The following RB1CC1 variants were observed in gnomAD, a reference collection of about 807,000 sequenced individuals.
RB1CC1 encodes RB1-inducible coiled-coil protein 1.
In RB1CC1, 46 loss-of-function variants were observed where a neutral mutation model predicts 177.5. The ratio of observed to expected loss-of-function variants is 0.26; its 90% CI spans 0.20 to 0.33. The LOEUF (loss-of-function observed/expected upper bound fraction) is 0.33, where lower values mean the gene tolerates loss of function less well. RB1CC1 is among the 10% of genes least tolerant of loss of function. RB1CC1 has a pLI of 1.00. For missense variants in RB1CC1, 1,703 were observed against 1,816.3 expected, an observed-to-expected ratio of 0.94 and a Z score of 1.13; for synonymous variants, 666 against 613.6, an observed-to-expected ratio of 1.09 and a Z score of -1.26.
At chr8:52,689,977 T>TA (rs1854672012) in intron 1 of RB1CC1, among the ~76,000 whole-genome samples, 1 of 151,892 alleles carries the variant, frequency 6.6e-6, no homozygotes, top group African/African-American at 2.4e-5. Context: ...AAAGTAGGCA[T>TA]AATTATCATA....
Position 52,660,993 on chromosome 8 carries a change from T to G in RB1CC1, c.1560A>C (p.Leu520Phe). Residue 520 changes from leucine to phenylalanine, a missense_variant, in exon 11 of 24, where the codon TTA becomes TTC. Physicochemically the swap from Leu to Phe is conservative, Grantham distance 22 (BLOSUM62 0). Coordinates refer to ENST00000025008, the MANE Select transcript of RB1CC1 (RefSeq NM_014781.5). ...IKHYREWAGA[L>F]VKDGKRLYEA... ...CATATAATCTCTTTCCATCTTTGAC[T>G]AAAGCACCAGCCCACTAGAAGAGGA... is the stretch of plus-strand genomic sequence containing the variant. 2 of 1,613,600 alleles carry G rather than the reference T, an allele frequency of 1.2e-6. No homozygotes were observed. The highest frequency in any genetic ancestry group is 1.7e-6 in the Non-Finnish European group (2 of 1,179,756).
rs758563509 is a variant in RB1CC1, at chr8:52,657,301, T to C, written c.2528A>G (p.Glu843Gly). 159 of 1,609,708 alleles carry C rather than the reference T, an allele frequency of 9.9e-5. No individual in the cohort carries two copies. The highest frequency in any genetic ancestry group is 1.3e-4 in the Non-Finnish European group (153 of 1,176,264). The change falls in exon 15 of 24, where the codon GAA becomes GGA. Residue 843 changes from glutamate to glycine, a missense_variant. Physicochemically the swap from Glu to Gly is moderately conservative, Grantham distance 98. Coordinates refer to ENST00000025008, the MANE Select transcript of RB1CC1 (RefSeq NM_014781.5). ...FSNSLKCTAV[E>G]IRNIIEKVKC... is the part of the protein sequence containing the mutation. ...TACTTTTTCAATAATGTTTCTTATT[T>C]CTACTGCTGTACATTTTAATGAATT...
intron 18 of RB1CC1, among the ~76,000 whole-genome samples, chr8:52,636,585 T>G (rs1403396840): frequency 6.6e-6 from 1 of 152,202 alleles, no homozygotes; most frequent in African/African-American, 2.4e-5. Flanking sequence ...ACAGGTATAA[T>G]CCCCAAATTA....
rs554600129 is a variant in RB1CC1 at position 52,713,665 on chromosome 8, A to T, written c.-167+410T>A. On this transcript the variant is annotated intron_variant, in intron 1 of 23. Coordinates refer to ENST00000025008, the MANE Select transcript of RB1CC1 (RefSeq NM_014781.5). ...GGGCTGATCCCTGGCAGCGATGAGC[A>T]CAAGTCAAGATGCGTCTTGGGAGGT... Among the ~76,000 whole-genome samples, 10 of 152,326 alleles carry T rather than the reference A, an allele frequency of 6.6e-5. No homozygotes were observed. In the South Asian group the frequency reaches 8.3e-4, roughly 13 times the overall value.
chr8:52,688,418 T>C (rs193003903), intron 1 of RB1CC1, among the ~76,000 whole-genome samples: 16 of 152,294 alleles, frequency 1.1e-4, no homozygotes, highest in African/African-American at 3.6e-4. Context: ...GCCTGTCTTA[T>C]GCGGTTGAGA....
chr8:52,703,014 A>G (rs978605628), intron 1 of RB1CC1, among the ~76,000 whole-genome samples: 34 of 152,256 alleles, frequency 2.2e-4, no homozygotes, highest in Middle Eastern at 3.4e-3. Flanking sequence ...GCAAATGACA[A>G]AGCAGAATCC....
At position 52,627,961 on chromosome 8, in the gene RB1CC1, GA is replaced by G. The variant is rs201212824; in HGVS notation, c.4636+70del. ...CTTAATTCTTATGTAATTAAACAGG[GA>G]AAAAAAAATCTTTACTTATATAATT... On this transcript the variant is annotated intron_variant, in intron 22 of 23. Transcript: ENST00000025008. 5,071 of 1,339,042 alleles carry G rather than the reference GA, an allele frequency of 3.8e-3. 163 individuals carry two copies. In the African/African-American group the frequency reaches 0.067, roughly 18 times the overall value. 82.9% of individuals were successfully genotyped at this position (1,339,042 alleles called of 1,614,324 possible). A position where few individuals can be genotyped will look rare whatever the true frequency, so the allele number is the denominator to read the frequency against.
At chr8:52,709,774 G>A (rs1052905588) in intron 1 of RB1CC1, among the ~76,000 whole-genome samples, 1 of 152,202 alleles carries the variant, frequency 6.6e-6, no homozygotes, top group African/African-American at 2.4e-5. Flanking sequence ...AACAGAATTC[G>A]CTTCCTTATA....
In RB1CC1 at chr8:52,661,203, C is replaced by T. The variant is rs758017600; in HGVS notation, c.1437G>A (p.Leu479=). The T allele has an allele frequency of 2.5e-6, 4 of 1,613,796 alleles. No homozygotes were observed. Among genetic ancestry groups the T allele is most frequent in the Non-Finnish European group, 3.4e-6 (4 of 1,179,888 alleles). ...CTTCAACAATTTTGACTCTTTCTAA[C>T]AGCTCTATTACGAGGCGGAGCAAAG... is the stretch of plus-strand genomic sequence containing the variant. ...LQALLRLVIE[L]LERVKIVEAL... Residue 479 remains leucine, a synonymous_variant, in exon 10 of 24, where the codon CTG becomes CTA. Transcript: ENST00000025008.
At chr8:52,705,280 T>C (rs1261622612) in intron 1 of RB1CC1, among the ~76,000 whole-genome samples, 1 of 152,176 alleles carries the variant, frequency 6.6e-6, no homozygotes, top group African/African-American at 2.4e-5. Flanking sequence ...GGATTTCAAA[T>C]TGGGGAGAAA....
At chr8:52,712,983 G>C (rs1485189680) in intron 1 of RB1CC1, among the ~76,000 whole-genome samples, 1 of 152,074 alleles carries the variant, frequency 6.6e-6, no homozygotes, top group Non-Finnish European at 1.5e-5. Context: ...TCTTTTTATC[G>C]TCTATCACAA....
intron 20 of RB1CC1, among the ~76,000 whole-genome samples, chr8:52,633,658 C>G (rs189450611): frequency 6.6e-6 from 1 of 152,160 alleles, no homozygotes. Context: ...TTAAACTGTT[C>G]CTACTACCTT....
intron 15 of RB1CC1, among the ~76,000 whole-genome samples, chr8:52,646,234 G>A (rs764058304): frequency 6.6e-6 from 1 of 151,978 alleles, no homozygotes; most frequent in Non-Finnish European, 1.5e-5. Context: ...AGGCCCAGGC[G>A]GGAGGATCAC....
intron 20 of RB1CC1, among the ~76,000 whole-genome samples, chr8:52,632,495 T>C (rs1469363516): frequency 2.0e-5 from 3 of 152,228 alleles, no homozygotes; most frequent in Non-Finnish European, 4.4e-5. Flanking sequence ...TTGACCATCA[T>C]TTTTAAGACC....
chr8:52,671,244 T>A (rs1335374725), intron 7 of RB1CC1, among the ~76,000 whole-genome samples: 1 of 152,196 alleles, frequency 6.6e-6, no homozygotes, highest in Non-Finnish European at 1.5e-5. Context: ...ACTAATTTCC[T>A]GAGAAAGACA....
intron 1 of RB1CC1, among the ~76,000 whole-genome samples, chr8:52,710,741 C>T (rs1302706529): frequency 6.6e-6 from 1 of 151,648 alleles, no homozygotes; most frequent in African/African-American, 2.4e-5. Context: ...TTATATAAGA[C>T]AGGGAAAATG....
chr8:52,713,217 AT>A (rs1857201898), intron 1 of RB1CC1, among the ~76,000 whole-genome samples: 1 of 152,340 alleles, frequency 6.6e-6, no homozygotes, highest in South Asian at 2.1e-4. Flanking sequence ...GTGACTCTTT[AT>A]CAACAGTGAG....
Position 52,657,732 on chromosome 8 carries a change from C to T in RB1CC1, c.2097G>A (p.Thr699=), listed in dbSNP as rs765111461. Residue 699 remains threonine, a synonymous_variant, in exon 15 of 24, where the codon ACG becomes ACA. Coordinates refer to ENST00000025008, the MANE Select transcript of RB1CC1 (RefSeq NM_014781.5). ...GATGGGGAATAGTTTCAAAATCAAA[C>T]GTATGTGCATCAATACTATCTGGAG... ...ELSPDSIDAH[T]FDFETIPHPN... 2.0e-5 allele frequency: 32 copies of T among 1,613,858 alleles called. No homozygotes were observed. The highest frequency in any genetic ancestry group is 5.5e-5 in the South Asian group (5 of 91,078).
intron 16 of RB1CC1, 91 bp from the exon 17 acceptor site, chr8:52,642,903 C>A: frequency 7.8e-7 from 1 of 1,278,952 alleles, no homozygotes; most frequent in Non-Finnish European, 1.0e-6. Flanking sequence ...TTTTCTGTGG[C>A]ACATTTGTAC....
Sources: gnomAD v4.1 joint callset for allele counts (sites outside exome capture counted in the v4.1 genomes callset) on GRCh38, gnomAD v4.1.1 for gene constraint, MANE v1.5 for transcripts, NCBI Gene and HGNC (gene_info 2026-07-23, HGNC 2026-07-21) for gene names.